Variants in ROBO2 observed in about 807,000 individuals in gnomAD.
ROBO2 encodes the protein roundabout homolog 2.
A neutral mutation model predicts 160.8 loss-of-function variants in ROBO2; 53 were observed. The observed-to-expected ratio is 0.33, with a 90% CI of 0.26 to 0.41. The LOEUF is 0.41. Ranked by LOEUF, ROBO2 falls within the 10% of genes least tolerant of loss-of-function variation. The pLI is 1.00. For missense variants in ROBO2, 1,577 were observed against 1,722.4 expected (o/e 0.92, Z 1.49); for synonymous variants, 664 against 611.7 (o/e 1.09, Z -1.26).
At chr3:76,561,307 A>C (rs1181120656) in intron 2 of ROBO2, among the ~76,000 whole-genome samples, 1 of 152,154 alleles carries the variant, frequency 6.6e-6, no homozygotes, top group Admixed American at 6.6e-5. Context: ...GAAGCAGTCA[A>C]ACTTACTCAG....
At chr3:76,523,907 AAC>A (rs1192989433) in intron 2 of ROBO2, among the ~76,000 whole-genome samples, 1 of 152,034 alleles carries the variant, frequency 6.6e-6, no homozygotes, top group South Asian at 2.1e-4. Flanking sequence ...AATGGGAAGA[AAC>A]AATCTGGAAA....
chr3:76,723,882 C>T (rs1454505656), intron 2 of ROBO2, among the ~76,000 whole-genome samples: 4 of 152,164 alleles, frequency 2.6e-5, no homozygotes, highest in Admixed American at 6.5e-5. Context: ...CCATACCAGA[C>T]CTCTTAAATC....
chr3:75,909,008 G>A (rs762172772), intron 1 of ROBO2, among the ~76,000 whole-genome samples: 2 of 152,186 alleles, frequency 1.3e-5, no homozygotes, highest in Admixed American at 6.5e-5. Flanking sequence ...TTCAGATTCC[G>A]TGGCAACACT....
intron 2 of ROBO2, among the ~76,000 whole-genome samples, chr3:76,055,658 C>T (rs769106518): frequency 4.6e-5 from 7 of 152,134 alleles, no homozygotes; most frequent in Non-Finnish European, 8.8e-5. Flanking sequence ...CACATTGCTG[C>T]AAAGGGCATG....
chr3:77,628,083 T>C (rs1028607410), intron 23 of ROBO2, among the ~76,000 whole-genome samples: 12 of 152,342 alleles, frequency 7.9e-5, no homozygotes, highest in African/African-American at 2.6e-4. Context: ...CTTTAACAGC[T>C]TGAATACATT....
intron 2 of ROBO2, among the ~76,000 whole-genome samples, chr3:76,721,947 G>A (rs949933795): frequency 1.3e-5 from 2 of 152,200 alleles, no homozygotes; most frequent in African/African-American, 4.8e-5. Flanking sequence ...AGTTGAGGTA[G>A]GAAGTCATTC....
intron 2 of ROBO2, among the ~76,000 whole-genome samples, chr3:77,221,162 A>G (rs1289193897): frequency 6.6e-6 from 1 of 152,166 alleles, no homozygotes; most frequent in Non-Finnish European, 1.5e-5. Flanking sequence ...CTAGTGGTTC[A>G]TACCTCTGCT....
At chr3:76,503,565 C>T (rs2080601829) in intron 2 of ROBO2, among the ~76,000 whole-genome samples, 1 of 152,124 alleles carries the variant, frequency 6.6e-6, no homozygotes, top group Non-Finnish European at 1.5e-5. Context: ...TGTCCATCAA[C>T]AGATGAATAA....
At chr3:77,450,933 T>C (rs2081053458) in intron 2 of ROBO2, among the ~76,000 whole-genome samples, 1 of 152,098 alleles carries the variant, frequency 6.6e-6, no homozygotes. Context: ...GCACATTTCA[T>C]TGAAGGCATA....
At chr3:77,021,426 C>CA (rs1169928861) in intron 2 of ROBO2, among the ~76,000 whole-genome samples, 2 of 152,036 alleles carry the variant, frequency 1.3e-5, no homozygotes, top group South Asian at 4.1e-4. Flanking sequence ...TCAAAGTACA[C>CA]AAAAAACTTA....
At chr3:76,595,536 A>G (rs2086682273) in intron 2 of ROBO2, among the ~76,000 whole-genome samples, 1 of 152,074 alleles carries the variant, frequency 6.6e-6, no homozygotes, top group Non-Finnish European at 1.5e-5. Flanking sequence ...CAAAAAAAGC[A>G]TAAAATTATA....
chr3:77,033,126 T>C (rs1242678658), intron 2 of ROBO2, among the ~76,000 whole-genome samples: 5 of 152,148 alleles, frequency 3.3e-5, no homozygotes, highest in African/African-American at 1.2e-4. Context: ...ATTAAGGTAA[T>C]TGTCAACATC....
chr3:77,325,852 A>G (rs1256723479), intron 2 of ROBO2, among the ~76,000 whole-genome samples: 1 of 152,178 alleles, frequency 6.6e-6, no homozygotes, highest in Non-Finnish European at 1.5e-5. Context: ...TTGACAGTAC[A>G]GATTATACTC....
rs753572304 is a variant in ROBO2 at position 77,558,089 on chromosome 3, G to T, written c.1377G>T (p.Pro459=). 48 of 1,612,976 alleles carry T rather than the reference G, an allele frequency of 3.0e-5. 1 individual carries two copies. Among genetic ancestry groups the T allele is most frequent in the Non-Finnish European group, 3.6e-5 (43 of 1,179,388 alleles). Residue 459 remains proline (P), a synonymous_variant, in exon 9 of 26, where the codon CCG becomes CCT. Transcript: ENST00000461745. ...GGTTAAAGGAGGGATTTACTTTTCC[G>T]GGTAGAGATCCAAGAGCAACAATTC...
At chr3:76,290,314 G>T (rs2132295) in intron 2 of ROBO2, among the ~76,000 whole-genome samples, 8,412 of 151,974 alleles carry the variant, frequency 0.055, 243 homozygotes, top group Admixed American at 0.067. Flanking sequence ...AATGGAATTT[G>T]GTTGTTTATT....
At position 77,293,020 on chromosome 3, in the gene ROBO2, CAA is replaced by C. The variant is rs781356487; in HGVS notation, c.389-184392_389-184391del. ...AACGGGTAAGCTGAGGCTAGATCAC[CAA>C]AGACATAAAGTAAAATTGATGGTTA... On this transcript the variant is annotated intron_variant, in intron 2 of 25. Transcript: ENST00000461745. Among the ~76,000 whole-genome samples the C allele has an allele frequency of 7.9e-4, 118 of 149,300 alleles. No individual in the cohort carries two copies. In the Middle Eastern group the frequency reaches 0.015, roughly 18 times the overall value.
chr3:76,792,886 A>G (rs965734496), intron 2 of ROBO2, among the ~76,000 whole-genome samples: 2 of 151,874 alleles, frequency 1.3e-5, no homozygotes, highest in African/African-American at 4.8e-5. Flanking sequence ...CATATGTCAT[A>G]AAGTTTTTGA....
At chr3:76,471,352 T>C (rs567870797) in intron 2 of ROBO2, among the ~76,000 whole-genome samples, 59 of 152,268 alleles carry the variant, frequency 3.9e-4, no homozygotes, top group Non-Finnish European at 7.5e-4. Flanking sequence ...GCTGTATATG[T>C]ATCCCTTCAT....
At position 77,355,887 on chromosome 3, in the gene ROBO2, TA is replaced by T. The variant is rs2069045014; in HGVS notation, c.389-121526del. On this transcript the variant is annotated intron_variant, in intron 2 of 25. Coordinates refer to ENST00000461745, the Ensembl canonical transcript of ROBO2. ...TAACCAAGTATTGATGTACACACTG[TA>T]TAATGAGCAGCTATCAATCTCTGAG... Among the ~76,000 whole-genome samples the T allele has an allele frequency of 2.7e-5, 4 of 150,402 alleles. 1 individual carries two copies. In the South Asian group the frequency reaches 8.4e-4, roughly 31 times the overall value.
Sources: gnomAD v4.1 joint callset for allele counts (sites outside exome capture counted in the v4.1 genomes callset) on GRCh38, gnomAD v4.1.1 for gene constraint, MANE v1.5 for transcripts, NCBI Gene and HGNC (gene_info 2026-07-23, HGNC 2026-07-21) for gene names.